Variants in NRROS observed in about 807,000 individuals in gnomAD.
The protein encoded by NRROS is transforming growth factor beta activator LRRC33.
A neutral mutation model predicts 12.0 loss-of-function variants in NRROS; 6 were observed. The observed-to-expected ratio is 0.50, with a 90% CI of 0.27 to 0.98. The LOEUF is 0.98. Ranked by LOEUF, NRROS falls within the 50% of genes least tolerant of loss-of-function variation. The pLI, the probability that NRROS is intolerant of heterozygous loss-of-function variation, is 0.11. For synonymous variants in NRROS, 462 were observed against 410.2 expected, an observed-to-expected ratio of 1.13 and a Z score of -1.53; for missense variants, 857 against 888.2, an observed-to-expected ratio of 0.96 and a Z score of 0.45.
chr3:196,655,115 G>T, intron 2 of NRROS: 1 of 160,922 alleles, frequency 6.2e-6, no homozygotes, highest in Non-Finnish European at 1.4e-5. Context: ...CACACCTATA[G>T]TCCCAGCTAC....
chr3:196,653,067 C>T (rs1026896177), intron 1 of NRROS, among the ~76,000 whole-genome samples: 35 of 152,114 alleles, frequency 2.3e-4, no homozygotes, highest in African/African-American at 8.0e-4. Context: ...GTTTCAGGGG[C>T]GGGGAAGGGT....
intron 1 of NRROS, among the ~76,000 whole-genome samples, chr3:196,647,550 C>T (rs779181112): frequency 1.1e-4 from 16 of 152,256 alleles, no homozygotes; most frequent in Middle Eastern, 6.8e-3. Flanking sequence ...AGATCACAAT[C>T]GGTTCTTTGC....
At chr3:196,658,140 A>G (rs892541954) in intron 2 of NRROS, among the ~76,000 whole-genome samples, 3 of 152,246 alleles carry the variant, frequency 2.0e-5, no homozygotes, top group Non-Finnish European at 2.9e-5. Flanking sequence ...ATGAATGCAT[A>G]TGCTTCCTAA....
At chr3:196,652,593 T>C (rs1465150916) in intron 1 of NRROS, among the ~76,000 whole-genome samples, 2 of 151,986 alleles carry the variant, frequency 1.3e-5, no homozygotes, top group Non-Finnish European at 2.9e-5. Context: ...ACAACAAGAG[T>C]TTTTTTCTGG....
At chr3:196,659,321 G>A (rs1218855037) in intron 2 of NRROS, among the ~76,000 whole-genome samples, 1 of 111,178 alleles carries the variant, frequency 9.0e-6, no homozygotes, top group Non-Finnish European at 1.7e-5. Context: ...TTTTTTTTGA[G>A]ATGGAGTCTT....
At position 196,660,194 on chromosome 3, in the gene NRROS, G is replaced by A. The variant is rs1737635670; in HGVS notation, c.551G>A (p.Arg184Gln). 1.2e-6 allele frequency: 2 copies of A among 1,613,142 alleles called. No homozygotes were observed. The highest frequency in any genetic ancestry group is 1.1e-5 in the South Asian group (1 of 91,074). Residue 184 changes from arginine (R) to glutamine (Q), a missense_variant, in exon 3 of 3, where the codon CGG becomes CAG. Coordinates refer to ENST00000328557, the MANE Select transcript of NRROS (RefSeq NM_198565.3). This position sits in a 1 kb window ranked among gnomAD's most constrained non-coding sequence, Gnocchi z 7.7. ...DSVFEGLERL[R>Q]ELDLQRNYIF... is the part of the protein sequence containing the mutation. ...GTCTTCGAGGGCCTGGAGCGTCTCC[G>A]GGAGCTGGATCTGCAGAGGAACTAC...
rs765714223 is a variant in NRROS, at chr3:196,659,940, C to T, written c.297C>T (p.Gly99=). ...HSCHLERISR[G]AFQEQGHLRS... is the part of the protein sequence containing the mutation. ...GCCACCTGGAGCGCATCAGCCGCGG[C>T]GCCTTCCAGGAGCAAGGTCACCTGC... Residue 99 remains glycine (G), a synonymous_variant, in exon 3 of 3, where the codon GGC becomes GGT. Coordinates refer to ENST00000328557, the MANE Select transcript of NRROS (RefSeq NM_198565.3). The T allele has an allele frequency of 5.6e-6, 9 of 1,614,036 alleles. 1 individual carries two copies. In the South Asian group the frequency reaches 6.6e-5, roughly 12 times the overall value.
At position 196,661,125 on chromosome 3, in the gene NRROS, C is replaced by T. The variant is rs1317948028; in HGVS notation, c.1482C>T (p.Ser494=). Residue 494 remains serine, a synonymous_variant, in exon 3 of 3, where the codon AGC becomes AGT. Transcript: ENST00000328557. ...CCCTGACCTACTTAGACCTCTCAAG[C>T]AACTGGGGGGTTCTGAATGGGAGCC... The part of the protein sequence containing the change: ...GTSLTYLDLS[S]NWGVLNGSLA... The T allele has an allele frequency of 9.3e-6, 15 of 1,613,316 alleles. No homozygotes were observed. The highest frequency in any genetic ancestry group is 1.3e-5 in the Non-Finnish European group (15 of 1,179,510).
chr3:196,660,401 A>G lies in NRROS; in HGVS notation c.758A>G (p.Glu253Gly). Residue 253 changes from glutamate to glycine, a missense_variant, in exon 3 of 3, where the codon GAG becomes GGG. Glu to Gly is a moderately conservative substitution (Grantham distance 98, BLOSUM62 -2). Transcript: ENST00000328557. The surrounding 1 kb of genome is among the most constrained non-coding windows in gnomAD (Gnocchi z 7.7). ...GGGGGAGAGGCTGCCTTCGAGCTGG[A>G]GACGCTGGACCTGTCTCACAACCAG... ...ATGGEAAFEL[E>G]TLDLSHNQLL... 6.2e-7 allele frequency: 1 copy of G among 1,613,848 alleles called. No homozygotes were observed. Among genetic ancestry groups the G allele is most frequent in the African/African-American group, 1.3e-5 (1 of 74,994 alleles).
intron 1 of NRROS, among the ~76,000 whole-genome samples, chr3:196,646,711 C>A (rs4916533): frequency 6.6e-6 from 1 of 152,262 alleles, no homozygotes; most frequent in African/African-American, 2.4e-5. Flanking sequence ...GTTGCTGGGG[C>A]CTCTGAATCC....
chr3:196,656,236 G>A lies in NRROS; in HGVS notation c.108+1589G>A, dbSNP rs116032542. ...TGAGCCATATTATATACTAGGCGTTGGGAAGACAAATTGGATGTCAGGGCT... is the reference window on the plus strand; with the variant it reads ...TGAGCCATATTATATACTAGGCGTTAGGAAGACAAATTGGATGTCAGGGCT... On this transcript the variant is annotated intron_variant, in intron 2 of 2. Coordinates refer to ENST00000328557, the MANE Select transcript of NRROS (RefSeq NM_198565.3). Among the ~76,000 whole-genome samples the A allele has an allele frequency of 6.0e-3, 908 of 152,272 alleles. 3 individuals carry two copies. Among genetic ancestry groups the A allele is most frequent in the Non-Finnish European group, 8.5e-3 (581 of 68,026 alleles).
At chr3:196,658,934 C>T (rs1044591650) in intron 2 of NRROS, among the ~76,000 whole-genome samples, 4 of 152,202 alleles carry the variant, frequency 2.6e-5, no homozygotes, top group African/African-American at 9.6e-5. Context: ...CACACCATTG[C>T]ACTCCAGCCT....
In NRROS at chr3:196,654,604, G is replaced by A. The variant is rs763103757; in HGVS notation, c.65G>A (p.Arg22Lys). 4.3e-6 allele frequency: 7 copies of A among 1,613,990 alleles called. No homozygotes were observed. The African/African-American group carries it at 8.0e-5, about 18-fold the overall frequency. Residue 22 changes from arginine to lysine, a missense_variant, in exon 2 of 3, where the codon AGA becomes AAA. Transcript: ENST00000328557. This position sits in a 1 kb window ranked among gnomAD's most constrained non-coding sequence, Gnocchi z 4.4. ...FHFLTVGWRN[R>K]SGTATAASQG... is the part of the protein sequence containing the mutation. ...TTCCTGACCGTGGGCTGGAGGAACA[G>A]AAGCGGAACAGCCACAGCAGCCTCC...
At chr3:196,651,481 G>A (rs901226747) in intron 1 of NRROS, among the ~76,000 whole-genome samples, 2 of 152,020 alleles carry the variant, frequency 1.3e-5, no homozygotes, top group Non-Finnish European at 2.9e-5. Context: ...AAGAGGAGAA[G>A]GTGGGCCAGG....
In NRROS at chr3:196,660,246, C is replaced by T. The variant is rs1173037153; in HGVS notation, c.603C>T (p.Phe201=). 6.2e-7 allele frequency: 1 copy of T among 1,613,812 alleles called. No homozygotes were observed. The highest frequency in any genetic ancestry group is 2.2e-5 in the East Asian group (1 of 44,890). The change falls in exon 3 of 3, where the codon TTC becomes TTT. Residue 201 remains phenylalanine, a synonymous_variant. Coordinates refer to ENST00000328557, the MANE Select transcript of NRROS (RefSeq NM_198565.3). The surrounding 1 kb of genome is among the most constrained non-coding windows in gnomAD (Gnocchi z 7.7). ...NYIFEIEGGA[F]DGLAELRHLN... The stretch of plus-strand genomic sequence containing the variant: ...TCTTCGAGATCGAGGGCGGCGCTTT[C>T]GACGGCCTGGCTGAGCTGAGGCACC...
chr3:196,654,727 TC>T lies in NRROS; in HGVS notation c.108+82del. 1.1e-6 allele frequency: 1 copy of T among 890,002 alleles called. No homozygotes were observed. Among genetic ancestry groups the T allele is most frequent in the Non-Finnish European group, 1.8e-6 (1 of 561,434 alleles). 55.1% of individuals were successfully genotyped at this position (890,002 alleles called of 1,614,324 possible). A position where few individuals can be genotyped will look rare whatever the true frequency, so the allele number is the denominator to read the frequency against. On this transcript the variant is annotated intron_variant, in intron 2 of 2. Transcript: ENST00000328557. The surrounding 1 kb of genome is among the most constrained non-coding windows in gnomAD (Gnocchi z 4.4). ...GTCCATTTGGAAAGCTGACAGATTG[TC>T]CATCAGGAAGGGCAGAGAATGAAGG... is the stretch of plus-strand genomic sequence containing the variant.
intron 1 of NRROS, among the ~76,000 whole-genome samples, chr3:196,642,020 T>C (rs1252425308): frequency 6.6e-6 from 1 of 152,256 alleles, no homozygotes; most frequent in Non-Finnish European, 1.5e-5. Context: ...GTGGAACTTC[T>C]TTATTATACT....
At chr3:196,650,091 A>G (rs1737392492) in intron 1 of NRROS, among the ~76,000 whole-genome samples, 2 of 152,148 alleles carry the variant, frequency 1.3e-5, no homozygotes, top group African/African-American at 2.4e-5. Context: ...AATAGTAGAA[A>G]TCCAGCATCC....
At chr3:196,659,569 A>G (rs1737616225) in intron 2 of NRROS, among the ~76,000 whole-genome samples, 183 bp from the exon 3 acceptor site, 1 of 152,020 alleles carries the variant, frequency 6.6e-6, no homozygotes. Flanking sequence ...TCGGCCTCCC[A>G]AAGTGCTGGG....
Sources: gnomAD v4.1 joint callset for allele counts (sites outside exome capture counted in the v4.1 genomes callset) on GRCh38, gnomAD v4.1.1 for gene constraint, Gnocchi (gnomAD v3.1) non-coding constraint, MANE v1.5 for transcripts, NCBI Gene and HGNC (gene_info 2026-07-23, HGNC 2026-07-21) for gene names.